Variants in PAFAH1B1 observed in about 807,000 individuals in gnomAD.
PAFAH1B1 encodes the protein platelet activating factor acetylhydrolase 1b regulatory subunit 1.
PAFAH1B1 carries 2 observed loss-of-function variants against 57.5 expected under a neutral mutation model. That is an observed-to-expected ratio of 0.03 (90% CI 0.01 to 0.11). PAFAH1B1 has a LOEUF of 0.11. Ranked by LOEUF, PAFAH1B1 falls within the 10% of genes least tolerant of loss-of-function variation. The probability of loss-of-function intolerance (pLI) is 1.00; values close to 1 mark genes in which losing one functional copy is unlikely to be tolerated. For synonymous variants in PAFAH1B1, 152 were observed against 169.6 expected (o/e 0.90, Z 0.81); for missense variants, 257 against 512.0 (o/e 0.50, Z 4.81).
intron 1 of PAFAH1B1, among the ~76,000 whole-genome samples, chr17:2,631,455 C>A (rs2068554163): frequency 6.6e-6 from 1 of 152,128 alleles, no homozygotes; most frequent in Non-Finnish European, 1.5e-5. Context: ...TGGGGTTTTA[C>A]CCCCTCCTTC....
Position 2,606,426 on chromosome 17 carries a change from C to T in PAFAH1B1, c.-191+12420C>T, listed in dbSNP as rs376118092. Reference sequence around the variant, plus strand: ...TGTCGCCCAGGCTGGAGTGCAATGACGCTATCTTAGCTCACTGCAACCTCT... The same window carrying T: ...TGTCGCCCAGGCTGGAGTGCAATGATGCTATCTTAGCTCACTGCAACCTCT... On this transcript the variant is annotated intron_variant, in intron 1 of 10. Coordinates refer to ENST00000397195, the MANE Select transcript of PAFAH1B1 (RefSeq NM_000430.4). Among the ~76,000 whole-genome samples, 288 of 151,838 alleles carry T rather than the reference C, an allele frequency of 1.9e-3. 1 individual carries two copies. Among genetic ancestry groups the T allele is most frequent in the African/African-American group, 6.5e-3 (270 of 41,412 alleles).
chr17:2,615,167 A>T (rs2068322427), intron 1 of PAFAH1B1, among the ~76,000 whole-genome samples: 1 of 152,198 alleles, frequency 6.6e-6, no homozygotes, highest in African/African-American at 2.4e-5. Context: ...TAGGTATTCT[A>T]AGTAATCTAG....
chr17:2,618,265 C>G (rs868155944), intron 1 of PAFAH1B1, among the ~76,000 whole-genome samples: 1 of 152,042 alleles, frequency 6.6e-6, no homozygotes, highest in Non-Finnish European at 1.5e-5. Context: ...ACCAAACTTT[C>G]ATTTATCATT....
At position 2,674,277 on chromosome 17, in the gene PAFAH1B1, A is replaced by G. The variant is rs778412717; in HGVS notation, c.889A>G (p.Thr297Ala). Residue 297 changes from threonine (T) to alanine (A), a missense_variant, in exon 8 of 11, where the codon ACA (threonine) becomes GCA (alanine). Transcript: ENST00000397195. ...ESSYSSISEA[T>A]GSETKKSGKP... is the part of the protein sequence containing the mutation. The stretch of plus-strand genomic sequence containing the variant: ...CTCATATTCCTCCATCTCTGAAGCA[A>G]CAGGATCTGAGGTACTGTATATACA... The G allele has an allele frequency of 3.3e-5, 53 of 1,610,236 alleles. No homozygotes were observed. In the East Asian group the frequency reaches 5.8e-4, roughly 18 times the overall value.
chr17:2,618,530 T>G (rs1379909666), intron 1 of PAFAH1B1, among the ~76,000 whole-genome samples: 2 of 152,156 alleles, frequency 1.3e-5, no homozygotes, highest in Non-Finnish European at 2.9e-5. Context: ...AGCTAAAGAC[T>G]GGAGTCTTTT....
intron 1 of PAFAH1B1, among the ~76,000 whole-genome samples, chr17:2,617,547 C>T (rs1474738075): frequency 1.3e-5 from 2 of 152,088 alleles, no homozygotes; most frequent in Non-Finnish European, 2.9e-5. Context: ...GTTTTTATTA[C>T]CTGCTGACAG....
intron 1 of PAFAH1B1, among the ~76,000 whole-genome samples, chr17:2,626,235 C>A (rs563039177): frequency 6.6e-6 from 1 of 150,650 alleles, no homozygotes; most frequent in Non-Finnish European, 1.5e-5. Flanking sequence ...GCCTGGGCGA[C>A]AGTGAGACTC....
intron 2 of PAFAH1B1, among the ~76,000 whole-genome samples, chr17:2,663,742 G>C (rs2069053169): frequency 1.3e-5 from 2 of 149,994 alleles, no homozygotes; most frequent in Admixed American, 1.3e-4. Flanking sequence ...CTGTTTCCCA[G>C]GCTGGAGTGC....
At chr17:2,613,467 G>T (rs2068292364) in intron 1 of PAFAH1B1, 1 of 241,718 alleles carries the variant, frequency 4.1e-6, no homozygotes, top group East Asian at 8.6e-5. Context: ...GTTGGTGGCT[G>T]CAGCGGCAGA....
In PAFAH1B1 at chr17:2,685,251, A is replaced by AGCTGCTTGCT. The variant is rs1409033590; in HGVS notation, c.*3450_*3459dup. 2 of 152,608 alleles carry AGCTGCTTGCT rather than the reference A, an allele frequency of 1.3e-5. No homozygotes were observed. Among genetic ancestry groups the AGCTGCTTGCT allele is most frequent in the African/African-American group, 4.8e-5 (2 of 41,444 alleles). 9.5% of individuals were successfully genotyped at this position (152,608 alleles called of 1,614,324 possible). ...TATCTTCCCACTGTATCATGGAAGT[A>AGCTGCTTGCT]GCTGCTTGCTTGTACTGTCCATCCT... On this transcript the variant is annotated 3_prime_UTR_variant, in exon 11 of 11. Coordinates refer to ENST00000397195, the MANE Select transcript of PAFAH1B1 (RefSeq NM_000430.4).
At chr17:2,639,358 A>G (rs1030619108) in intron 2 of PAFAH1B1, 1 of 151,900 alleles carries the variant, frequency 6.6e-6, no homozygotes, top group African/African-American at 2.4e-5. Flanking sequence ...TGTTTCTTTT[A>G]TCTTCCAATG....
chr17:2,605,736 A>C (rs1567524304), intron 1 of PAFAH1B1, among the ~76,000 whole-genome samples: 1 of 152,224 alleles, frequency 6.6e-6, no homozygotes, highest in East Asian at 1.9e-4. Context: ...TCTTATAATA[A>C]GTACCTATTT....
chr17:2,654,097 A>G (rs1320934274), intron 2 of PAFAH1B1, among the ~76,000 whole-genome samples: 3 of 150,868 alleles, frequency 2.0e-5, no homozygotes, highest in Non-Finnish European at 4.4e-5. Flanking sequence ...GTGAGCCACC[A>G]TGCCCGGCCA....
At chr17:2,605,990 A>G (rs2068200872) in intron 1 of PAFAH1B1, among the ~76,000 whole-genome samples, 2 of 152,202 alleles carry the variant, frequency 1.3e-5, no homozygotes, top group Non-Finnish European at 1.5e-5. Context: ...GCTTATGTAT[A>G]TAAAAGTACA....
At chr17:2,637,423 A>G (rs1211355790) in intron 1 of PAFAH1B1, among the ~76,000 whole-genome samples, 2 of 152,104 alleles carry the variant, frequency 1.3e-5, no homozygotes, top group African/African-American at 4.8e-5. Flanking sequence ...CTACAAAAAA[A>G]AAATTTAAGA....
At chr17:2,622,514 G>T (rs1033147860) in intron 1 of PAFAH1B1, among the ~76,000 whole-genome samples, 4 of 152,184 alleles carry the variant, frequency 2.6e-5, no homozygotes, top group Admixed American at 2.6e-4. Flanking sequence ...TTGACTCCAG[G>T]TCTCAGATCC....
At position 2,610,691 on chromosome 17, in the gene PAFAH1B1, T is replaced by C. The variant is rs142568363; in HGVS notation, c.-191+16685T>C. On this transcript the variant is annotated intron_variant, in intron 1 of 10. Coordinates refer to ENST00000397195, the MANE Select transcript of PAFAH1B1 (RefSeq NM_000430.4). ...GCTTACGAATTTGTGTTGGGCCACA[T>C]TCAAAGCTGTCCTGGGCCGTGGGTA... Among the ~76,000 whole-genome samples the C allele has an allele frequency of 3.9e-3, 589 of 152,344 alleles. 4 individuals are homozygous for C. The highest frequency in any genetic ancestry group is 0.013 in the African/African-American group (554 of 41,582).
intron 1 of PAFAH1B1, among the ~76,000 whole-genome samples, chr17:2,608,411 A>T (rs1424757627): frequency 2.0e-5 from 3 of 152,180 alleles, no homozygotes; most frequent in Non-Finnish European, 4.4e-5. Flanking sequence ...TTATGTTTAG[A>T]CTACAGAAAT....
intron 2 of PAFAH1B1, among the ~76,000 whole-genome samples, chr17:2,652,134 A>G (rs548824871): frequency 4.2e-5 from 6 of 143,866 alleles, no homozygotes; most frequent in South Asian, 2.3e-4. Flanking sequence ...TTTCTAGGCC[A>G]GACACAGTGG....
Sources: allele counts gnomAD v4.1 joint callset (sites outside exome capture counted in the v4.1 genomes callset), GRCh38; gene constraint gnomAD v4.1.1; transcripts MANE v1.5; gene names NCBI Gene and HGNC (gene_info 2026-07-23, HGNC 2026-07-21).